Variants in MED12L observed in about 807,000 individuals in gnomAD.
MED12L encodes mediator of RNA polymerase II transcription subunit 12-like protein.
In MED12L, 60 loss-of-function variants were observed where a neutral mutation model predicts 281.3. That is an observed-to-expected ratio of 0.21 (90% confidence interval 0.17 to 0.26). The LOEUF (loss-of-function observed/expected upper bound fraction) is 0.26. Among genes scored for constraint, MED12L ranks in the 10% least tolerant of loss-of-function variants. The pLI, the probability that MED12L is intolerant of heterozygous loss-of-function variation, is 1.00. For missense variants in MED12L, 2,146 were observed against 2,680.9 expected (o/e 0.80, Z 4.41); for synonymous variants, 974 against 987.2 (o/e 0.99, Z 0.25).
At chr3:151,136,213 C>T (rs1194944189) in intron 5 of MED12L, among the ~76,000 whole-genome samples, 2 of 152,178 alleles carry the variant, frequency 1.3e-5, no homozygotes, top group Admixed American at 6.5e-5. Context: ...ATTCACTGAG[C>T]CATTTGGACT....
chr3:151,148,576 A>G (rs1434447099), intron 5 of MED12L, among the ~76,000 whole-genome samples: 1 of 152,234 alleles, frequency 6.6e-6, no homozygotes, highest in African/African-American at 2.4e-5. Flanking sequence ...AGCCTAAAGA[A>G]GGATTTCCAA....
At chr3:151,353,338 C>T (rs1181502349) in intron 17 of MED12L, among the ~76,000 whole-genome samples, 1 of 152,184 alleles carries the variant, frequency 6.6e-6, no homozygotes, top group Non-Finnish European at 1.5e-5. Flanking sequence ...TAAACATGCT[C>T]ATGACATGTG....
At chr3:151,365,249 G>T in intron 22 of MED12L, 43 bp downstream of exon 22, 1 of 1,499,194 alleles carries the variant, frequency 6.7e-7, no homozygotes, top group Non-Finnish European at 9.3e-7. Flanking sequence ...CCAAAGAGTT[G>T]TTGCCTTGGT....
intron 22 of MED12L, among the ~76,000 whole-genome samples, chr3:151,365,579 G>A (rs1755174085): frequency 1.3e-5 from 2 of 152,138 alleles, no homozygotes; most frequent in Admixed American, 1.3e-4. Flanking sequence ...GTAAATCGTA[G>A]CTCAGATTTA....
intron 5 of MED12L, among the ~76,000 whole-genome samples, chr3:151,152,098 T>G (rs1474848018): frequency 8.2e-6 from 1 of 122,610 alleles, no homozygotes; most frequent in Non-Finnish European, 1.7e-5. Flanking sequence ...TTTTTTTTTT[T>G]TTTTTTTTTT....
At chr3:151,166,678 C>CTT (rs796405326) in intron 11 of MED12L, among the ~76,000 whole-genome samples, 3,407 of 142,010 alleles carry the variant, frequency 0.024, 140 homozygotes, top group African/African-American at 0.084. Context: ...GGACCTCAGT[C>CTT]TTTTTTTTTT....
At chr3:151,182,180 G>T (rs1048044459) in intron 11 of MED12L, among the ~76,000 whole-genome samples, 1 of 152,106 alleles carries the variant, frequency 6.6e-6, no homozygotes, top group African/African-American at 2.4e-5. Flanking sequence ...GAAAATTATT[G>T]TGAATGCTCT....
intron 16 of MED12L, among the ~76,000 whole-genome samples, chr3:151,194,080 C>T (rs1211621403): frequency 6.6e-6 from 1 of 151,206 alleles, no homozygotes; most frequent in Non-Finnish European, 1.5e-5. Flanking sequence ...ATTCTTTTGC[C>T]TCAGCCTCCC....
chr3:151,089,632 G>A (rs1388094639), intron 2 of MED12L, among the ~76,000 whole-genome samples: 3 of 147,522 alleles, frequency 2.0e-5, no homozygotes, highest in Admixed American at 6.8e-5. Context: ...CTCCCAGAAG[G>A]TAGGGTGGAA....
In MED12L at chr3:151,086,821, G is replaced by C; in HGVS notation, c.-106G>C. On this transcript the variant is annotated 5_prime_UTR_variant, in exon 2 of 45. Transcript: ENST00000687756. ...AGCGCCACAGCGAGCGAGCGAGCGAGGAGGGGGAGAGAGGGAGTCTGTCTG... is the reference window on the plus strand; with the variant it reads ...AGCGCCACAGCGAGCGAGCGAGCGACGAGGGGGAGAGAGGGAGTCTGTCTG... 1 of 838,978 alleles carries C rather than the reference G, an allele frequency of 1.2e-6. No homozygotes were observed. The highest frequency in any genetic ancestry group is 1.8e-5 in the South Asian group (1 of 54,286). 52.0% of individuals were successfully genotyped at this position (838,978 alleles called of 1,614,324 possible).
chr3:151,123,269 A>T (rs1454014973), intron 4 of MED12L, among the ~76,000 whole-genome samples: 1 of 152,208 alleles, frequency 6.6e-6, no homozygotes, highest in Non-Finnish European at 1.5e-5. Flanking sequence ...TTAAAAAAAA[A>T]TTACATTTCC....
chr3:151,191,042 T>C (rs1723908751), intron 14 of MED12L, 111 bp downstream of exon 14: 1 of 909,456 alleles, frequency 1.1e-6, no homozygotes, highest in East Asian at 2.6e-5. Context: ...GTTGTATTCT[T>C]TTGCCCCAGT....
At chr3:151,422,688 C>T (rs1411756485) in intron 43 of MED12L, among the ~76,000 whole-genome samples, 2 of 152,048 alleles carry the variant, frequency 1.3e-5, no homozygotes, top group Non-Finnish European at 2.9e-5. Flanking sequence ...GTTACGACTC[C>T]AGCATGTCTT....
At position 151,365,129 on chromosome 3, in the gene MED12L, T is replaced by G; in HGVS notation, c.3108T>G (p.Ser1036Arg). The part of the protein sequence containing the change: ...INYSMLGKIL[S>R]DNAANRYSFV... ...ACTCAATGCTGGGCAAGATCCTCAGTGACAATGCGGCCAATCGCTACAGCT... is the reference window on the plus strand; with the variant it reads ...ACTCAATGCTGGGCAAGATCCTCAGGGACAATGCGGCCAATCGCTACAGCT... The change falls in exon 22 of 45, where the codon AGT becomes AGG. Residue 1036 changes from serine to arginine, a missense_variant. Coordinates refer to ENST00000687756, the MANE Select transcript of MED12L (RefSeq NM_001393769.1). The G allele has an allele frequency of 6.2e-7, 1 of 1,614,090 alleles. No homozygotes were observed. The highest frequency in any genetic ancestry group is 8.5e-7 in the Non-Finnish European group (1 of 1,179,956).
At chr3:151,318,786 C>T (rs915253656) in intron 16 of MED12L, among the ~76,000 whole-genome samples, 3 of 152,004 alleles carry the variant, frequency 2.0e-5, no homozygotes, top group Non-Finnish European at 4.4e-5. Context: ...CTTCTAAGTG[C>T]GAAGAAGGGC....
intron 16 of MED12L, chr3:151,294,407 A>C: frequency 6.2e-7 from 1 of 1,614,174 alleles, no homozygotes; most frequent in Non-Finnish European, 8.5e-7. Flanking sequence ...AAGCCTGTCT[A>C]AGTGACTAAA....
At chr3:151,153,564 CTTTTTTTT>C (rs1177653143) in intron 5 of MED12L, among the ~76,000 whole-genome samples, 2 of 94,288 alleles carry the variant, frequency 2.1e-5, no homozygotes, top group Non-Finnish European at 2.0e-5. Flanking sequence ...TGTTTTCTTT[CTTTTTTTT>C]TTTTTTTTTT....
chr3:151,130,464 C>T (rs1343620015), intron 5 of MED12L, among the ~76,000 whole-genome samples: 1 of 152,190 alleles, frequency 6.6e-6, no homozygotes, highest in African/African-American at 2.4e-5. Context: ...AGGGTTTTAG[C>T]CAATCTTCTT....
chr3:151,274,725 T>G (rs1741562851), intron 16 of MED12L, among the ~76,000 whole-genome samples: 1 of 152,218 alleles, frequency 6.6e-6, no homozygotes. Flanking sequence ...TAAGTTATAA[T>G]ATGTCCAAAG....
Sources: allele counts gnomAD v4.1 joint callset (sites outside exome capture counted in the v4.1 genomes callset), GRCh38; gene constraint gnomAD v4.1.1; transcripts MANE v1.5; gene names NCBI Gene and HGNC (gene_info 2026-07-23, HGNC 2026-07-21).